The following ANKRD44 variants were observed in gnomAD, a reference collection of about 807,000 sequenced individuals.
ANKRD44 encodes serine/threonine-protein phosphatase 6 regulatory ankyrin repeat subunit B.
A neutral mutation model predicts 116.0 loss-of-function variants in ANKRD44; 35 were observed. The observed-to-expected ratio is 0.30, with a 90% confidence interval of 0.23 to 0.40. ANKRD44 has a LOEUF of 0.40. Ranked by LOEUF, ANKRD44 falls within the 10% of genes least tolerant of loss-of-function variation. The probability of loss-of-function intolerance (pLI) is 1.00; values close to 1 mark genes in which losing one functional copy is unlikely to be tolerated. For missense variants in ANKRD44, 1,014 were observed against 1,242.6 expected (o/e 0.82, Z 2.77); for synonymous variants, 435 against 461.8 (o/e 0.94, Z 0.74).
Position 197,013,839 on chromosome 2 carries a change from AC to A in ANKRD44, c.1723-128del, listed in dbSNP as rs575671156. 141 of 867,998 alleles carry A rather than the reference AC, an allele frequency of 1.6e-4. No individual in the cohort carries two copies. In the African/African-American group the frequency reaches 2.2e-3, roughly 14 times the overall value. 53.8% of individuals were successfully genotyped at this position (867,998 alleles called of 1,614,324 possible). A position where few individuals can be genotyped will look rare whatever the true frequency, so the allele number is the denominator to read the frequency against. On this transcript the variant is annotated intron_variant, in intron 17 of 27. Transcript: ENST00000282272. ...ACTCCCAAGAGCACGTCAGAAAAACACTTGGAATATTTATTAAAACTCAGGC... is the reference window on the plus strand; with the variant it reads ...ACTCCCAAGAGCACGTCAGAAAAACATTGGAATATTTATTAAAACTCAGGC...
At chr2:197,267,344 A>G (rs2082768234) in intron 1 of ANKRD44, among the ~76,000 whole-genome samples, 1 of 151,884 alleles carries the variant, frequency 6.6e-6, no homozygotes. Context: ...ATCCTCCTCC[A>G]CCTTTCTAAT....
rs565990036 is a variant in ANKRD44, at chr2:197,116,783, T to C, written c.906+4549A>G. Among the ~76,000 whole-genome samples the C allele has an allele frequency of 7.2e-5, 11 of 152,318 alleles. No homozygotes were observed. In the South Asian group the frequency reaches 2.3e-3, roughly 32 times the overall value. ...AATCTACATTTTTTCTTCTGTTCTC[T>C]ACCAGTCTGCCATGCTAGAACACCA... is the stretch of plus-strand genomic sequence containing the variant. On this transcript the variant is annotated intron_variant, in intron 8 of 27. Transcript: ENST00000282272.
chr2:197,065,239 T>C (rs1198142050), intron 16 of ANKRD44, among the ~76,000 whole-genome samples: 1 of 152,200 alleles, frequency 6.6e-6, no homozygotes, highest in African/African-American at 2.4e-5. Flanking sequence ...GAAATAAAGA[T>C]GTTCTTTGAA....
rs1193036949 is a variant in ANKRD44, at chr2:197,122,884, C to T, written c.551-92G>A. On this transcript the variant is annotated intron_variant, in intron 6 of 27. Transcript: ENST00000282272. Reference sequence around the variant, plus strand: ...TAAATTATCAACTATTAGCTTTCATCGCCACCAGTATTTTGCTGAGTTATT... The same window carrying T: ...TAAATTATCAACTATTAGCTTTCATTGCCACCAGTATTTTGCTGAGTTATT... 7.6e-6 allele frequency: 11 copies of T among 1,449,758 alleles called. No individual in the cohort carries two copies. The African/African-American group carries it at 8.5e-5, about 11-fold the overall frequency. 89.8% of individuals were successfully genotyped at this position (1,449,758 alleles called of 1,614,324 possible).
chr2:196,993,662 G>C lies in ANKRD44; in HGVS notation c.2844C>G (p.Val948=). ...CCACCTTTAAGCCATTGCGCGCAGC[G>C]ACGTGGAGGGGTCTAAAAAACACAA... ...KNNALQTPLH[V]AARNGLKVVV... The change falls in exon 27 of 28, where the codon GTC becomes GTG. Residue 948 remains valine (V), a synonymous_variant. Coordinates refer to ENST00000282272, the MANE Select transcript of ANKRD44 (RefSeq NM_001195144.2). 2 of 1,550,900 alleles carry C rather than the reference G, an allele frequency of 1.3e-6. No homozygotes were observed. Among genetic ancestry groups the C allele is most frequent in the Non-Finnish European group, 1.7e-6 (2 of 1,147,018 alleles).
At chr2:197,054,407 T>C (rs993453396) in intron 16 of ANKRD44, among the ~76,000 whole-genome samples, 1 of 152,176 alleles carries the variant, frequency 6.6e-6, no homozygotes, top group Middle Eastern at 3.2e-3. Flanking sequence ...TCATCAACTA[T>C]TTTAGGTTCA....
intron 16 of ANKRD44, among the ~76,000 whole-genome samples, chr2:197,042,608 C>T (rs1021876101): frequency 6.6e-6 from 1 of 152,112 alleles, no homozygotes; most frequent in Non-Finnish European, 1.5e-5. Context: ...CCTCTCTCCC[C>T]CAATGTCAAA....
At chr2:197,267,070 TGAATAAAGG>T (rs4013865) in intron 1 of ANKRD44, among the ~76,000 whole-genome samples, 26,937 of 152,042 alleles carry the variant, frequency 0.18, 2,494 homozygotes, top group Middle Eastern at 0.28. Context: ...GATGAATGAA[TGAATAAAGG>T]GAATAAAGGT....
intron 8 of ANKRD44, among the ~76,000 whole-genome samples, chr2:197,120,362 G>A (rs2078823663): frequency 6.6e-6 from 1 of 152,126 alleles, no homozygotes; most frequent in African/African-American, 2.4e-5. Context: ...GCTTTAAGAA[G>A]GTATTGGCTG....
In ANKRD44 at chr2:197,007,935, G is replaced by A. The variant is rs565690399; in HGVS notation, c.2013-12C>T. ...GCATCAGTGGTGTTCTAGGCAGAGA[G>A]ATAAAGCAGGCTTTTAAAAAGGAGA... On this transcript the variant is annotated splice_polypyrimidine_tract_variant and intron_variant, in intron 19 of 27. Transcript: ENST00000282272. 3 of 1,579,834 alleles carry A rather than the reference G, an allele frequency of 1.9e-6. No homozygotes were observed. Among genetic ancestry groups the A allele is most frequent in the Non-Finnish European group, 2.6e-6 (3 of 1,150,954 alleles).
At chr2:197,058,553 T>C (rs538781599) in intron 16 of ANKRD44, among the ~76,000 whole-genome samples, 2 of 152,128 alleles carry the variant, frequency 1.3e-5, no homozygotes, top group East Asian at 3.8e-4. Context: ...CTGTCCTAAT[T>C]TTTCACCTTC....
intron 1 of ANKRD44, among the ~76,000 whole-genome samples, chr2:197,246,510 C>T (rs891648873): frequency 2.0e-5 from 3 of 151,674 alleles, no homozygotes; most frequent in Admixed American, 6.6e-5. Context: ...CCCCTGGATT[C>T]TTAAATCATT....
chr2:196,967,454 G>A (rs1306351447), intron 21 of ANKRD44: 1 of 466,530 alleles, frequency 2.1e-6, no homozygotes, highest in Non-Finnish European at 4.5e-6. Context: ...AGCCTGAGTT[G>A]CCATTTAAAA....
At chr2:197,181,729 T>A (rs973915380) in intron 2 of ANKRD44, among the ~76,000 whole-genome samples, 1 of 152,220 alleles carries the variant, frequency 6.6e-6, no homozygotes, top group Non-Finnish European at 1.5e-5. Context: ...GCTTACTTCT[T>A]GCCAATTCGA....
In ANKRD44 at chr2:197,126,017, A is replaced by T; in HGVS notation, c.282T>A (p.Ile94=). Residue 94 remains isoleucine (I), a synonymous_variant, in exon 5 of 28, where the codon ATT becomes ATA. Transcript: ENST00000282272. ...SRSEEAVQVL[I]KHSADVNARD... ...TTGCATTGACATCAGCTGAGTGCTT[A>T]ATCAAAACCTGTACTGCTTCCTACA... is the stretch of plus-strand genomic sequence containing the variant. 1 of 1,614,168 alleles carries T rather than the reference A, an allele frequency of 6.2e-7. No individual in the cohort carries two copies. Among genetic ancestry groups the T allele is most frequent in the Admixed American group, 1.7e-5 (1 of 60,016 alleles).
chr2:197,053,991 C>T (rs777033713), intron 16 of ANKRD44, among the ~76,000 whole-genome samples: 1 of 152,064 alleles, frequency 6.6e-6, no homozygotes, highest in Middle Eastern at 3.2e-3. Flanking sequence ...AGGATAAGTA[C>T]ACATATTCTT....
chr2:197,013,876 G>A (rs1238839218), intron 17 of ANKRD44, among the ~76,000 whole-genome samples, 164 bp from the exon 18 acceptor site: 1 of 152,214 alleles, frequency 6.6e-6, no homozygotes, highest in Admixed American at 6.5e-5. Flanking sequence ...AAGCTGGAGA[G>A]TTAGACTGAA....
intron 16 of ANKRD44, among the ~76,000 whole-genome samples, chr2:197,052,688 G>A (rs979443863): frequency 6.6e-6 from 1 of 152,076 alleles, no homozygotes; most frequent in Non-Finnish European, 1.5e-5. Context: ...AAGGTGAGCT[G>A]CTCGCCTCAG....
At chr2:197,182,682 TC>T (rs35020641) in intron 2 of ANKRD44, among the ~76,000 whole-genome samples, 84,857 of 152,034 alleles carry the variant, frequency 0.56, 27,957 homozygotes, top group East Asian at 0.88. Context: ...CATATTCAAG[TC>T]CCTGAGTTGG....
Sources: gnomAD v4.1 joint callset for allele counts (sites outside exome capture counted in the v4.1 genomes callset) on GRCh38, gnomAD v4.1.1 for gene constraint, MANE v1.5 for transcripts, NCBI Gene and HGNC (gene_info 2026-07-23, HGNC 2026-07-21) for gene names.